Variants in VPS4B observed in about 807,000 individuals in gnomAD.
VPS4B encodes the protein vacuolar protein sorting-associated protein 4B.
Under a neutral mutation model 56.1 loss-of-function variants are expected in VPS4B, and 23 were observed. The ratio of observed to expected loss-of-function variants is 0.41; its 90% confidence interval spans 0.30 to 0.58. The LOEUF is 0.58. Among genes scored for constraint, VPS4B ranks in the 20% least tolerant of loss-of-function variants. The pLI is 0.29. For missense variants in VPS4B, 372 were observed against 531.9 expected (o/e 0.70, Z 2.96); for synonymous variants, 177 against 186.0 (o/e 0.95, Z 0.39).
Position 63,399,229 on chromosome 18 carries a change from T to C in VPS4B, c.872+13A>G. ...CTGCAGTGAGAAATAAGATATTTACTATATTATCCTACCTTCGCCTAATGG... is the reference window on the plus strand; with the variant it reads ...CTGCAGTGAGAAATAAGATATTTACCATATTATCCTACCTTCGCCTAATGG... On this transcript the variant is annotated intron_variant, in intron 8 of 10. Transcript: ENST00000238497. 1.3e-6 allele frequency: 2 copies of C among 1,597,706 alleles called. No individual in the cohort carries two copies. The highest frequency in any genetic ancestry group is 2.2e-5 in the East Asian group (1 of 44,694).
At chr18:63,411,109 G>C (rs1916031527) in intron 2 of VPS4B, among the ~76,000 whole-genome samples, 1 of 152,186 alleles carries the variant, frequency 6.6e-6, no homozygotes, top group Non-Finnish European at 1.5e-5. Context: ...TTCCATTTAA[G>C]AGCTATGAGG....
chr18:63,398,204 C>CACACACATATAT (rs1298374245), intron 8 of VPS4B, among the ~76,000 whole-genome samples: 3 of 112,496 alleles, frequency 2.7e-5, no homozygotes, highest in African/African-American at 9.8e-5. Flanking sequence ...CACACACACA[C>CACACACATATAT]ATATATATAT....
rs139544128 is a variant in VPS4B, at chr18:63,391,075, G to A, written c.1235C>T (p.Ser412Leu). 12 of 1,599,616 alleles carry A rather than the reference G, an allele frequency of 7.5e-6. No individual in the cohort carries two copies. Among genetic ancestry groups the A allele is most frequent in the East Asian group, 6.7e-5 (3 of 44,758 alleles). ...GTTAGATAGTGACCGCAACATATCCGACTGTCAGGGAAAAAGAAGGGTAGG... is the reference window on the plus strand; with the variant it reads ...GTTAGATAGTGACCGCAACATATCCAACTGTCAGGGAAAAAGAAGGGTAGG... Reference protein sequence around the residue: ...DKLLEPVVSMSDMLRSLSNTK... With the variant: ...DKLLEPVVSMLDMLRSLSNTK... The change falls in exon 11 of 11, where the codon TCG becomes TTG. Residue 412 changes from serine (S) to leucine (L), a missense_variant and splice_region_variant. By Grantham distance (145) the Ser-to-Leu change is moderately radical. Around this residue, in one of 3 missense-constraint regions of VPS4B, gnomAD observed 153 missense variants for 190.9 expected, o/e 0.80. Coordinates refer to ENST00000238497, the MANE Select transcript of VPS4B (RefSeq NM_004869.4).
intron 2 of VPS4B, among the ~76,000 whole-genome samples, chr18:63,410,779 T>TA (rs1916023359): frequency 6.6e-6 from 1 of 152,252 alleles, no homozygotes; most frequent in African/African-American, 2.4e-5. Flanking sequence ...TTGCTTGTCT[T>TA]AGACAAACCC....
At chr18:63,419,430 TAAATG>T (rs1429958280) in intron 1 of VPS4B, among the ~76,000 whole-genome samples, 1 of 150,810 alleles carries the variant, frequency 6.6e-6, no homozygotes, top group Admixed American at 6.6e-5. Flanking sequence ...AAAAAAAAAA[TAAATG>T]CAGATACAAG....
chr18:63,403,932 G>A, intron 4 of VPS4B, 106 bp from the exon 5 acceptor site: 1 of 1,307,810 alleles, frequency 7.6e-7, no homozygotes, highest in South Asian at 1.6e-5. Flanking sequence ...AATTGGGAAA[G>A]TTTTATGTAC....
At chr18:63,391,348 C>T (rs1285698219) in intron 10 of VPS4B, among the ~76,000 whole-genome samples, 20 of 151,794 alleles carry the variant, frequency 1.3e-4, no homozygotes, top group Admixed American at 1.2e-3. Context: ...CCTGCCTCAG[C>T]CTCCCAAGTA....
chr18:63,404,333 A>C (rs1325864131), intron 4 of VPS4B, among the ~76,000 whole-genome samples: 1 of 152,194 alleles, frequency 6.6e-6, no homozygotes, highest in African/African-American at 2.4e-5. Flanking sequence ...ATAGGCAGAC[A>C]GACAGAAGGG....
intron 1 of VPS4B, among the ~76,000 whole-genome samples, chr18:63,417,591 T>TC (rs555167067): frequency 4.6e-5 from 7 of 151,876 alleles, no homozygotes; most frequent in East Asian, 1.9e-4. Flanking sequence ...CTCTGTTTCC[T>TC]CCCCCCCTAC....
chr18:63,413,376 T>TA (rs1368468456), intron 1 of VPS4B, among the ~76,000 whole-genome samples: 4 of 151,826 alleles, frequency 2.6e-5, no homozygotes, highest in African/African-American at 9.7e-5. Flanking sequence ...CCGTCTCTAC[T>TA]AAAACACAAA....
intron 1 of VPS4B, among the ~76,000 whole-genome samples, chr18:63,412,152 C>A (rs1021329504): frequency 2.0e-5 from 3 of 152,040 alleles, no homozygotes; most frequent in Non-Finnish European, 4.4e-5. Context: ...AAAACAAAAC[C>A]TGGAAACTTA....
At position 63,397,187 on chromosome 18, in the gene VPS4B, G is replaced by A. The variant is rs770273989; in HGVS notation, c.939C>T (p.His313=). The A allele has an allele frequency of 7.4e-6, 12 of 1,613,948 alleles. No individual in the cohort carries two copies. The highest frequency in any genetic ancestry group is 5.1e-6 in the Non-Finnish European group (6 of 1,180,036). The stretch of plus-strand genomic sequence containing the variant: ...TGAGACTGTTCTGAGTGGTCCCTAG[G>A]TGCAGTTTAAACATTGCTGCTCGGG... ...PHARAAMFKL[H]LGTTQNSLTE... is the part of the protein sequence containing the mutation. The change falls in exon 9 of 11, where the codon CAC becomes CAT. Residue 313 remains histidine (H), a synonymous_variant. Coordinates refer to ENST00000238497, the MANE Select transcript of VPS4B (RefSeq NM_004869.4).
rs199720140 is a variant in VPS4B, at chr18:63,410,273, C to G, written c.296+17G>C. 1 of 1,604,240 alleles carries G rather than the reference C, an allele frequency of 6.2e-7. No homozygotes were observed. Among genetic ancestry groups the G allele is most frequent in the East Asian group, 2.2e-5 (1 of 44,816 alleles). On this transcript the variant is annotated intron_variant, in intron 3 of 10. Coordinates refer to ENST00000238497, the MANE Select transcript of VPS4B (RefSeq NM_004869.4). ...AGCAAAAAGCCACAATAAAATTGAA[C>G]AATTTTAAACACGTACCCCTTCTCA...
chr18:63,409,658 A>G (rs1400479075), intron 3 of VPS4B, among the ~76,000 whole-genome samples: 1 of 151,830 alleles, frequency 6.6e-6, no homozygotes, highest in Non-Finnish European at 1.5e-5. Flanking sequence ...TACATCCCCC[A>G]TCTAGGAAGA....
chr18:63,398,754 G>A (rs1915741334), intron 8 of VPS4B, among the ~76,000 whole-genome samples: 1 of 150,600 alleles, frequency 6.6e-6, no homozygotes, highest in Non-Finnish European at 1.5e-5. Flanking sequence ...AGAATCACTT[G>A]AACCCGGGAG....
chr18:63,394,757 G>A (rs566925632), intron 9 of VPS4B, among the ~76,000 whole-genome samples: 1 of 152,148 alleles, frequency 6.6e-6, no homozygotes, highest in Non-Finnish European at 1.5e-5. Flanking sequence ...GAGCCACCGC[G>A]CCCAGCCAAC....
Position 63,390,291 on chromosome 18 carries a change from C to CT in VPS4B, c.*683dup, listed in dbSNP as rs1287043305. 1 of 152,422 alleles carries CT rather than the reference C, an allele frequency of 6.6e-6. No homozygotes were observed. The allele number at this position is 152,422 out of a possible 1,614,324, so 9.4% of individuals were successfully genotyped here. A position where few individuals can be genotyped will look rare whatever the true frequency, so the allele number is the denominator to read the frequency against. On this transcript the variant is annotated 3_prime_UTR_variant, in exon 11 of 11. Coordinates refer to ENST00000238497, the MANE Select transcript of VPS4B (RefSeq NM_004869.4). ...ATTTCACCATGTTGGCCAGACTGGT[C>CT]TTGAACTCCTGACCTCAGGTGATCC...
chr18:63,422,359 G>A lies in VPS4B; in HGVS notation c.-100C>T, dbSNP rs866411307. 4.4e-5 allele frequency: 54 copies of A among 1,217,842 alleles called. No individual in the cohort carries two copies. In the Middle Eastern group the frequency reaches 2.1e-3, roughly 46 times the overall value. 75.4% of individuals were successfully genotyped at this position (1,217,842 alleles called of 1,614,324 possible). A position where few individuals can be genotyped will look rare whatever the true frequency, so the allele number is the denominator to read the frequency against. On this transcript the variant is annotated 5_prime_UTR_variant, in exon 1 of 11. Coordinates refer to ENST00000238497, the MANE Select transcript of VPS4B (RefSeq NM_004869.4). Reference sequence around the variant, plus strand: ...GGGGTAACAGCCCTCAAACTGGGGAGGCCGGTGGTTCTCGGACCGCGAAGG... The same window carrying A: ...GGGGTAACAGCCCTCAAACTGGGGAAGCCGGTGGTTCTCGGACCGCGAAGG...
chr18:63,401,891 G>A (rs1169833869), intron 5 of VPS4B, among the ~76,000 whole-genome samples: 1 of 152,146 alleles, frequency 6.6e-6, no homozygotes, highest in Admixed American at 6.5e-5. Context: ...TACTCGGGAG[G>A]CTGAGGCAGG....
Sources: allele counts gnomAD v4.1 joint callset (sites outside exome capture counted in the v4.1 genomes callset), GRCh38; gene constraint gnomAD v4.1.1; regional missense constraint gnomAD v4.1.1; transcripts MANE v1.5; gene names NCBI Gene and HGNC (gene_info 2026-07-23, HGNC 2026-07-21).